Variants in CFDP1 observed in about 807,000 individuals in gnomAD.
The protein encoded by CFDP1 is heterochromatin-stabilizing protein CFDP1.
CFDP1 carries 31 observed loss-of-function variants against 40.1 expected under a neutral mutation model. That is an observed-to-expected ratio of 0.77 (90% CI 0.58 to 1.04). The LOEUF is 1.04. CFDP1 is among the 50% of genes least tolerant of loss of function. CFDP1 has a pLI of 0.00. For missense variants in CFDP1, 423 were observed against 343.4 expected, an observed-to-expected ratio of 1.23 and a Z score of -1.83; for synonymous variants, 167 against 120.0, an observed-to-expected ratio of 1.39 and a Z score of -2.56.
chr16:75,314,673 C>G (rs962151280), intron 5 of CFDP1, among the ~76,000 whole-genome samples: 2 of 152,192 alleles, frequency 1.3e-5, no homozygotes, highest in African/African-American at 4.8e-5. Context: ...ACTACTCTTT[C>G]TCTAGGTACT....
At chr16:75,299,507 A>T (rs1436923631) in intron 6 of CFDP1, among the ~76,000 whole-genome samples, 1 of 151,686 alleles carries the variant, frequency 6.6e-6, no homozygotes, top group Admixed American at 6.6e-5. Flanking sequence ...AGGCAGGAGA[A>T]TGGCGTGAAC....
chr16:75,383,817 TAAAAAAAAA>T lies in CFDP1; in HGVS notation c.650+11264_650+11272del, dbSNP rs35216321. On this transcript the variant is annotated intron_variant, in intron 5 of 6. Coordinates refer to ENST00000283882, the MANE Select transcript of CFDP1 (RefSeq NM_006324.3). ...CTGGCAAAAGAGCGAGACTCCGTCT[TAAAAAAAAA>T]AAAAAAAAAAAGATACAGCCCCAAA... Among the ~76,000 whole-genome samples the T allele has an allele frequency of 9.9e-3, 1,255 of 127,378 alleles. 65 individuals are homozygous for T. Among genetic ancestry groups the T allele is most frequent in the Admixed American group, 0.079 (954 of 12,146 alleles). 83.6% of individuals were successfully genotyped at this position (127,378 alleles called of 152,430 possible).
intron 1 of CFDP1, among the ~76,000 whole-genome samples, chr16:75,425,963 G>C (rs1488205696): frequency 6.8e-6 from 1 of 147,964 alleles, no homozygotes; most frequent in African/African-American, 2.5e-5. Context: ...TTGAACCTGG[G>C]AGGCGGAGGT....
chr16:75,342,170 A>G (rs1214947321), intron 5 of CFDP1, among the ~76,000 whole-genome samples: 3 of 152,184 alleles, frequency 2.0e-5, no homozygotes, highest in Non-Finnish European at 4.4e-5. Context: ...TATGCCAATG[A>G]TTTTATAACC....
At chr16:75,333,090 G>A (rs1397557004) in intron 5 of CFDP1, among the ~76,000 whole-genome samples, 1 of 148,450 alleles carries the variant, frequency 6.7e-6, no homozygotes, top group Non-Finnish European at 1.5e-5. Flanking sequence ...TTACAGGCGT[G>A]AGCCACTGCG....
intron 5 of CFDP1, among the ~76,000 whole-genome samples, chr16:75,313,893 T>TG (rs1373648443): frequency 7.0e-6 from 1 of 142,732 alleles, no homozygotes; most frequent in African/African-American, 2.7e-5. Flanking sequence ...CACTGTTTTT[T>TG]GTTTTTTTTT....
At chr16:75,311,231 C>A (rs2078291064) in intron 5 of CFDP1, among the ~76,000 whole-genome samples, 1 of 152,208 alleles carries the variant, frequency 6.6e-6, no homozygotes, top group Admixed American at 6.5e-5. Context: ...AGACTACTGT[C>A]TTTTCCACCT....
chr16:75,399,740 G>T (rs9745455), intron 4 of CFDP1, among the ~76,000 whole-genome samples: 2 of 151,930 alleles, frequency 1.3e-5, no homozygotes, highest in Admixed American at 6.5e-5. Context: ...CCAGCACTTT[G>T]GGAGGCCAAG....
intron 1 of CFDP1, 137 bp from the exon 2 acceptor site, chr16:75,414,832 G>A (rs762456163): frequency 1.9e-5 from 12 of 624,032 alleles, no homozygotes; most frequent in Middle Eastern, 4.4e-4. Context: ...TTCACCTAAC[G>A]AAAACATCAT....
chr16:75,363,799 C>T (rs1351512869), intron 5 of CFDP1, among the ~76,000 whole-genome samples: 1 of 152,134 alleles, frequency 6.6e-6, no homozygotes, highest in Admixed American at 6.5e-5. Context: ...ATAGGAGTTT[C>T]CCAAAGATCC....
At chr16:75,432,100 C>T (rs2079426864) in intron 1 of CFDP1, among the ~76,000 whole-genome samples, 1 of 150,836 alleles carries the variant, frequency 6.6e-6, no homozygotes, top group African/African-American at 2.4e-5. Flanking sequence ...TTAGTACAGA[C>T]GGGGTTTTAC....
intron 5 of CFDP1, among the ~76,000 whole-genome samples, chr16:75,393,135 G>A (rs891144691): frequency 1.3e-5 from 2 of 152,138 alleles, no homozygotes; most frequent in African/African-American, 2.4e-5. Flanking sequence ...GCCAATGTCC[G>A]ATGGGCACTG....
rs2078880218 is a variant in CFDP1 at position 75,384,854 on chromosome 16, ATATATATATATATAT to A, written c.650+10221_650+10235del. On this transcript the variant is annotated intron_variant, in intron 5 of 6. Coordinates refer to ENST00000283882, the MANE Select transcript of CFDP1 (RefSeq NM_006324.3). ...CAAGTTGCAAGAAGAAACTAAAACT[ATATATATATATATAT>A]ATATATATATATATATATATATATA... 5.8e-4 allele frequency among the ~76,000 whole-genome samples: 72 copies of A among 124,900 alleles called. 1 individual carries two copies. The highest frequency in any genetic ancestry group is 4.1e-3 in the Middle Eastern group (1 of 246). 81.9% of individuals were successfully genotyped at this position (124,900 alleles called of 152,430 possible).
chr16:75,395,106 G>C lies in CFDP1; in HGVS notation c.634C>G (p.Leu212Val), dbSNP rs750717766. Residue 212 changes from leucine (L) to valine (V), a missense_variant, in exon 5 of 7, where the codon CTC becomes GTC. Physicochemically the swap from Leu to Val is conservative, Grantham distance 32 (BLOSUM62 1). Transcript: ENST00000283882. ...AATACTCACCCTGACCCGGCAGGGA[G>C]TGATGGCAGAGCTGAAGGAACATTA... ...QANVPSALPS[L>V]PAGSGLKRSS... 1.9e-6 allele frequency: 3 copies of C among 1,613,926 alleles called. No homozygotes were observed. The highest frequency in any genetic ancestry group is 1.3e-5 in the African/African-American group (1 of 75,036).
At chr16:75,314,994 C>T (rs2078315372) in intron 5 of CFDP1, among the ~76,000 whole-genome samples, 1 of 152,064 alleles carries the variant, frequency 6.6e-6, no homozygotes. Flanking sequence ...TCAAGTGATC[C>T]GCCTGCCTCA....
chr16:75,432,173 G>A (rs1555569350), intron 1 of CFDP1, among the ~76,000 whole-genome samples: 2 of 150,550 alleles, frequency 1.3e-5, no homozygotes, highest in African/African-American at 4.9e-5. Context: ...GCCTCCCAAA[G>A]TGTTGGGATT....
intron 5 of CFDP1, among the ~76,000 whole-genome samples, chr16:75,392,775 C>A (rs1481445638): frequency 1.3e-5 from 2 of 152,200 alleles, no homozygotes; most frequent in Non-Finnish European, 1.5e-5. Context: ...ATTGATTATT[C>A]CAAACCACAG....
intron 4 of CFDP1, among the ~76,000 whole-genome samples, chr16:75,410,055 C>T (rs2079143501): frequency 1.9e-5 from 1 of 52,534 alleles, no homozygotes; most frequent in Non-Finnish European, 3.1e-5. Flanking sequence ...GACCCTTTCT[C>T]AAAAAAAAAA....
In CFDP1 at chr16:75,393,497, G is replaced by C. The variant is rs548649705; in HGVS notation, c.650+1593C>G. Among the ~76,000 whole-genome samples, 10 of 152,120 alleles carry C rather than the reference G, an allele frequency of 6.6e-5. No individual in the cohort carries two copies. The South Asian group carries it at 1.5e-3, about 22-fold the overall frequency. ...ATCAACACTCTTTTTAAAAATGTGG[G>C]GCCGGGGGTGGATCATGAGGTCAGG... is the stretch of plus-strand genomic sequence containing the variant. On this transcript the variant is annotated intron_variant, in intron 5 of 6. Coordinates refer to ENST00000283882, the MANE Select transcript of CFDP1 (RefSeq NM_006324.3).
Sources: allele counts gnomAD v4.1 joint callset (sites outside exome capture counted in the v4.1 genomes callset), GRCh38; gene constraint gnomAD v4.1.1; transcripts MANE v1.5; gene names NCBI Gene and HGNC (gene_info 2026-07-23, HGNC 2026-07-21).